KAZN: variants seen among roughly 807,000 people sequenced by gnomAD.
KAZN encodes kazrin.
A neutral mutation model predicts 87.4 loss-of-function variants in KAZN; 40 were observed. The observed-to-expected ratio is 0.46, with a 90% CI of 0.36 to 0.60. The LOEUF (loss-of-function observed/expected upper bound fraction) is 0.60. Ranked by LOEUF, KAZN falls within the 20% of genes least tolerant of loss-of-function variation. The pLI, the probability that KAZN is intolerant of heterozygous loss-of-function variation, is 0.00. For synonymous variants in KAZN, 466 were observed against 458.3 expected (o/e 1.02, Z -0.22); for missense variants, 898 against 1,073.9 (o/e 0.84, Z 2.29).
At chr1:14,895,793 GC>G (rs1366207384) in intron 1 of KAZN, among the ~76,000 whole-genome samples, 1 of 152,180 alleles carries the variant, frequency 6.6e-6, no homozygotes, top group Non-Finnish European at 1.5e-5. Context: ...CATGTTCTCT[GC>G]CCTGGACTCC....
At chr1:14,840,694 G>A (rs1183431195) in intron 1 of KAZN, among the ~76,000 whole-genome samples, 1 of 152,200 alleles carries the variant, frequency 6.6e-6, no homozygotes, top group Non-Finnish European at 1.5e-5. Context: ...GCTGCCTCTT[G>A]CAAACTCATC....
In KAZN at chr1:14,889,038, A is replaced by G. The variant is rs74781288; in HGVS notation, c.227-71646A>G. Among the ~76,000 whole-genome samples, 634 of 152,352 alleles carry G rather than the reference A, an allele frequency of 4.2e-3. 4 individuals are homozygous for G. The highest frequency in any genetic ancestry group is 0.015 in the African/African-American group (608 of 41,594). On this transcript the variant is annotated intron_variant, in intron 1 of 14. Coordinates refer to ENST00000376030, the MANE Select transcript of KAZN (RefSeq NM_201628.3). ...TTTAAAAATCGCAAAAACATCTCATAGTGTTTTAAGAAAGTTTACGAATTT... is the reference window on the plus strand; with the variant it reads ...TTTAAAAATCGCAAAAACATCTCATGGTGTTTTAAGAAAGTTTACGAATTT...
chr1:14,039,033 T>C (rs895793039), intron 1 of KAZN, among the ~76,000 whole-genome samples: 1 of 151,822 alleles, frequency 6.6e-6, no homozygotes, highest in Non-Finnish European at 1.5e-5. Flanking sequence ...TAGCTGGGCA[T>C]GGTGGTGTGT....
At chr1:14,034,910 A>G (rs1641483469) in intron 1 of KAZN, among the ~76,000 whole-genome samples, 1 of 152,200 alleles carries the variant, frequency 6.6e-6, no homozygotes, top group Admixed American at 6.5e-5. Flanking sequence ...GAGGAACTGC[A>G]GAGAGCTCTT....
chr1:14,774,468 ATTT>A (rs35723980), intron 1 of KAZN, among the ~76,000 whole-genome samples: 18,865 of 130,902 alleles, frequency 0.14, 1,256 homozygotes, highest in African/African-American at 0.23. Flanking sequence ...TCTTGAACAG[ATTT>A]TTTTTTTTTT....
At chr1:14,871,285 G>A (rs531102775) in intron 1 of KAZN, among the ~76,000 whole-genome samples, 22 of 152,174 alleles carry the variant, frequency 1.4e-4, no homozygotes, top group African/African-American at 4.8e-4. Flanking sequence ...ATGTTCCACA[G>A]CCTCTTCCCC....
intron 2 of KAZN, among the ~76,000 whole-genome samples, chr1:14,324,484 C>T (rs140257037): frequency 3.9e-5 from 6 of 152,296 alleles, no homozygotes; most frequent in Admixed American, 2.0e-4. Flanking sequence ...TCTGAAATGA[C>T]TCCAGTATTC....
rs12031029 is a variant in KAZN, at chr1:15,098,803, G to A, written c.1548-2740G>A. ...CCAGGTGGACTGGGGCAGATGACCC[G>A]CTCACCCAGCACTGCTCTGTCATCC... On this transcript the variant is annotated intron_variant, in intron 10 of 14. Transcript: ENST00000376030. Among the ~76,000 whole-genome samples the A allele has an allele frequency of 5.3e-3, 802 of 152,340 alleles. 22 individuals carry two copies. The East Asian group carries it at 0.071, about 14-fold the overall frequency.
At chr1:14,829,104 AG>A (rs1227229559) in intron 1 of KAZN, among the ~76,000 whole-genome samples, 1 of 152,188 alleles carries the variant, frequency 6.6e-6, no homozygotes, top group Non-Finnish European at 1.5e-5. Flanking sequence ...CTGAACAAGC[AG>A]GGGCTCTGTT....
intron 1 of KAZN, among the ~76,000 whole-genome samples, chr1:14,875,188 C>T (rs527391923): frequency 4.6e-5 from 7 of 151,892 alleles, no homozygotes; most frequent in Middle Eastern, 3.4e-3. Context: ...AAAATTATCC[C>T]GGCATGATGG....
chr1:14,570,994 T>C (rs957687924), intron 2 of KAZN, among the ~76,000 whole-genome samples: 1 of 152,162 alleles, frequency 6.6e-6, no homozygotes, highest in Non-Finnish European at 1.5e-5. Context: ...CTCTAGAAAC[T>C]TAAATTTTTG....
At chr1:14,724,148 AG>A (rs1400118515) in intron 1 of KAZN, among the ~76,000 whole-genome samples, 1 of 152,222 alleles carries the variant, frequency 6.6e-6, no homozygotes, top group Non-Finnish European at 1.5e-5. Flanking sequence ...CCGGGTGGCG[AG>A]CAGGTGCACA....
At chr1:13,893,851 C>A in intron 1 of KAZN, 1 of 1,394,550 alleles carries the variant, frequency 7.2e-7, no homozygotes, top group South Asian at 1.4e-5. Context: ...GTCTGTGTGT[C>A]TGTCAGTCTA....
chr1:14,402,252 T>C (rs1429050898), intron 2 of KAZN, among the ~76,000 whole-genome samples: 1 of 143,534 alleles, frequency 7.0e-6, no homozygotes, highest in African/African-American at 2.6e-5. Flanking sequence ...AAAAAAAAAA[T>C]CTTCGATGTT....
At chr1:14,025,125 A>T (rs1641012563) in intron 1 of KAZN, among the ~76,000 whole-genome samples, 1 of 152,226 alleles carries the variant, frequency 6.6e-6, no homozygotes, top group Non-Finnish European at 1.5e-5. Context: ...GTCACTGGTT[A>T]GTTGGCCCAT....
At position 14,446,789 on chromosome 1, in the gene KAZN, C is replaced by T. The variant is rs117237203; in HGVS notation, c.250-152194C>T. On this transcript the variant is annotated intron_variant, in intron 2 of 16. Transcript: ENST00000636203. ...CACAATTGCTGGTGCAGCAGCCTGT[C>T]CTGTGGGATTGCTGGGGCTTGACCC... 1.8e-4 allele frequency among the ~76,000 whole-genome samples: 27 copies of T among 152,228 alleles called. No individual in the cohort carries two copies. In the East Asian group the frequency reaches 5.0e-3, roughly 28 times the overall value.
At chr1:14,458,034 G>A (rs897453635) in intron 2 of KAZN, among the ~76,000 whole-genome samples, 5 of 152,018 alleles carry the variant, frequency 3.3e-5, no homozygotes, top group African/African-American at 1.2e-4. Flanking sequence ...GCGTTAGCCA[G>A]GATGGTCTCA....
At position 13,981,097 on chromosome 1, in the gene KAZN, A is replaced by ATATATATATATATATATATG. The variant is rs372269866; in HGVS notation, c.91+87354_91+87355insATATATGTATATATATATAT. Among the ~76,000 whole-genome samples, 619 of 96,928 alleles carry ATATATATATATATATATATG rather than the reference A, an allele frequency of 6.4e-3. 42 individuals carry two copies. The East Asian group carries it at 0.083, about 13-fold the overall frequency. 63.6% of individuals were successfully genotyped at this position (96,928 alleles called of 152,430 possible). A position where few individuals can be genotyped will look rare whatever the true frequency, so the allele number is the denominator to read the frequency against. On this transcript the variant is annotated intron_variant, in intron 1 of 16. Coordinates refer to the KAZN transcript ENST00000636203. Reference sequence around the variant, plus strand: ...GTATAAAAAATTACTCTTTATATATATATATATATATATGTATATATAAAC... The same window carrying ATATATATATATATATATATG: ...GTATAAAAAATTACTCTTTATATATATATATATATATATATATATGTATATATATATATGTATATATAAAC...
intron 1 of KAZN, among the ~76,000 whole-genome samples, chr1:14,630,231 C>G (rs1485488475): frequency 6.6e-6 from 1 of 152,196 alleles, no homozygotes; most frequent in African/African-American, 2.4e-5. Context: ...GGTCCTGATG[C>G]CGTATTCACC....
Sources: gnomAD v4.1 joint callset for allele counts (sites outside exome capture counted in the v4.1 genomes callset) on GRCh38, gnomAD v4.1.1 for gene constraint, MANE v1.5 for transcripts, NCBI Gene and HGNC (gene_info 2026-07-23, HGNC 2026-07-21) for gene names.